The following PEBP4 variants were observed in gnomAD, a reference collection of about 807,000 sequenced individuals.
PEBP4 encodes the protein phosphatidylethanolamine binding protein 4, also known as phosphatidylethanolamine-binding protein 4.
PEBP4 carries 22 observed loss-of-function variants against 23.9 expected under a neutral mutation model. The observed-to-expected ratio is 0.92, with a 90% CI of 0.66 to 1.31. The LOEUF (loss-of-function observed/expected upper bound fraction) is 1.31, where lower values mean the gene tolerates loss of function less well. Ranked by LOEUF, PEBP4 falls within the 40% of genes most tolerant of loss-of-function variation. The pLI is 0.00. For missense variants in PEBP4, 324 were observed against 281.7 expected, an observed-to-expected ratio of 1.15 and a Z score of -1.07; for synonymous variants, 112 against 99.3, an observed-to-expected ratio of 1.13 and a Z score of -0.76.
At chr8:22,786,405 C>T (rs1806027943) in intron 4 of PEBP4, among the ~76,000 whole-genome samples, 1 of 152,096 alleles carries the variant, frequency 6.6e-6, no homozygotes, top group Admixed American at 6.5e-5. Flanking sequence ...GCCTCAGCCT[C>T]CTGAATAGCT....
intron 2 of PEBP4, among the ~76,000 whole-genome samples, chr8:22,921,070 C>A (rs1297325387): frequency 2.0e-5 from 3 of 152,220 alleles, no homozygotes; most frequent in Non-Finnish European, 4.4e-5. Context: ...GCCTGCAGGG[C>A]AGGGCAGGCC....
chr8:22,781,035 C>A (rs1470051046), intron 4 of PEBP4, among the ~76,000 whole-genome samples: 1 of 152,226 alleles, frequency 6.6e-6, no homozygotes, highest in Non-Finnish European at 1.5e-5. Context: ...GCAGCAGCGT[C>A]CGGGTTCAGA....
At chr8:22,716,222 T>G (rs1804417170) in intron 6 of PEBP4, among the ~76,000 whole-genome samples, 1 of 152,126 alleles carries the variant, frequency 6.6e-6, no homozygotes, top group African/African-American at 2.4e-5. Context: ...CCACATATGA[T>G]GTACAGGTTG....
intron 4 of PEBP4, among the ~76,000 whole-genome samples, chr8:22,742,460 C>G (rs1342082387): frequency 6.6e-6 from 1 of 152,200 alleles, no homozygotes; most frequent in Non-Finnish European, 1.5e-5. Flanking sequence ...ATGAGAGGCT[C>G]TTGGGACTGG....
At chr8:22,842,879 G>A (rs1399066343) in intron 3 of PEBP4, among the ~76,000 whole-genome samples, 3 of 152,174 alleles carry the variant, frequency 2.0e-5, no homozygotes, top group Non-Finnish European at 2.9e-5. Context: ...CCAGGCTGGA[G>A]TGCAGTGGCG....
At chr8:22,860,209 CATATATGTAT>C (rs1807747028) in intron 3 of PEBP4, among the ~76,000 whole-genome samples, 1 of 106,204 alleles carries the variant, frequency 9.4e-6, no homozygotes, top group Non-Finnish European at 2.0e-5. Context: ...TATATATACA[CATATATGTAT>C]ATATATATAT....
rs2128769374 is a variant in PEBP4, at chr8:22,865,146, G to A, written c.259-47411C>T. ...TGGGGCGGCCCGGGGAAGAACCAGT[G>A]CTGGACGGGGCTAGAGGCCCACGTT... On this transcript the variant is annotated intron_variant, in intron 3 of 6. Coordinates refer to ENST00000256404, the MANE Select transcript of PEBP4 (RefSeq NM_144962.3). The surrounding 1 kb of genome is among the most constrained non-coding windows in gnomAD (Gnocchi z 6.9). 6.6e-6 allele frequency among the ~76,000 whole-genome samples: 1 copy of A among 152,104 alleles called. No individual in the cohort carries two copies. Among genetic ancestry groups the A allele is most frequent in the South Asian group, 2.1e-4 (1 of 4,814 alleles).
At chr8:22,785,947 C>T (rs1371097630) in intron 4 of PEBP4, among the ~76,000 whole-genome samples, 1 of 152,214 alleles carries the variant, frequency 6.6e-6, no homozygotes, top group Admixed American at 6.5e-5. Context: ...TAGGTGGATT[C>T]ACTTCTTTGA....
chr8:22,792,821 G>T (rs1229450184), intron 4 of PEBP4, among the ~76,000 whole-genome samples: 1 of 84,588 alleles, frequency 1.2e-5, no homozygotes, highest in Non-Finnish European at 2.3e-5. Context: ...AGGGTGCCAT[G>T]GGGCATTGCG....
chr8:22,749,805 C>CTTTTTT lies in PEBP4; in HGVS notation c.358-22591_358-22586dup, dbSNP rs71206545. Among the ~76,000 whole-genome samples, 185 of 83,728 alleles carry CTTTTTT rather than the reference C, an allele frequency of 2.2e-3. 16 individuals are homozygous for CTTTTTT. Among genetic ancestry groups the CTTTTTT allele is most frequent in the African/African-American group, 5.2e-3 (133 of 25,784 alleles). The allele number at this position is 83,728 out of a possible 152,430, so 54.9% of individuals were successfully genotyped here. ...CTCTCCTGATTCTCAGTTTGTCATT[C>CTTTTTT]TTTTTTTTTTTTTTTTTTGAGATGG... is the stretch of plus-strand genomic sequence containing the variant. On this transcript the variant is annotated intron_variant, in intron 4 of 6. Coordinates refer to ENST00000256404, the MANE Select transcript of PEBP4 (RefSeq NM_144962.3).
At chr8:22,866,652 C>G (rs990856079) in intron 3 of PEBP4, among the ~76,000 whole-genome samples, 6 of 151,312 alleles carry the variant, frequency 4.0e-5, no homozygotes, top group African/African-American at 1.5e-4. Context: ...TGGGGGGAAG[C>G]AAATCACAAA....
At chr8:22,763,087 C>T (rs908006113) in intron 4 of PEBP4, among the ~76,000 whole-genome samples, 1 of 152,272 alleles carries the variant, frequency 6.6e-6, no homozygotes, top group Admixed American at 6.5e-5. Context: ...TCACTGCAAC[C>T]TCTGCCTCCC....
At chr8:22,899,676 G>T (rs1391923930) in intron 3 of PEBP4, among the ~76,000 whole-genome samples, 1 of 152,184 alleles carries the variant, frequency 6.6e-6, no homozygotes, top group Non-Finnish European at 1.5e-5. Flanking sequence ...TAGCCAGGGT[G>T]AGGAGGAGAG....
chr8:22,880,888 G>C (rs1219881224), intron 3 of PEBP4, among the ~76,000 whole-genome samples: 2 of 152,216 alleles, frequency 1.3e-5, no homozygotes, highest in Non-Finnish European at 2.9e-5. Flanking sequence ...AGTCCCCAAA[G>C]AAGGGGAAGC....
At chr8:22,922,714 A>G (rs1330092851) in intron 2 of PEBP4, among the ~76,000 whole-genome samples, 4 of 151,984 alleles carry the variant, frequency 2.6e-5, no homozygotes, top group African/African-American at 9.7e-5. Flanking sequence ...TGACAGAGCA[A>G]GACCCTATCT....
chr8:22,807,666 G>A (rs997144098), intron 4 of PEBP4, among the ~76,000 whole-genome samples: 19 of 152,080 alleles, frequency 1.2e-4, no homozygotes, highest in African/African-American at 4.6e-4. Context: ...TTCCTTTCCT[G>A]AAATGCAATT....
chr8:22,871,789 T>A (rs964939169), intron 3 of PEBP4, among the ~76,000 whole-genome samples: 2 of 150,668 alleles, frequency 1.3e-5, no homozygotes, highest in African/African-American at 4.9e-5. Flanking sequence ...CCTGACCTCC[T>A]GATCCACCCG....
At chr8:22,885,295 G>C (rs776385482) in intron 3 of PEBP4, 1 of 151,982 alleles carries the variant, frequency 6.6e-6, no homozygotes, top group Non-Finnish European at 1.5e-5. Flanking sequence ...CTCCTTTTAC[G>C]CATGAAGAAA....
At chr8:22,770,238 C>A (rs1389359753) in intron 4 of PEBP4, among the ~76,000 whole-genome samples, 1 of 152,206 alleles carries the variant, frequency 6.6e-6, no homozygotes, top group South Asian at 2.1e-4. Context: ...GCTTGGTGGG[C>A]AGACAGCAAG....
Sources: gnomAD v4.1 joint callset for allele counts (sites outside exome capture counted in the v4.1 genomes callset) on GRCh38, gnomAD v4.1.1 for gene constraint, Gnocchi (gnomAD v3.1) non-coding constraint, MANE v1.5 for transcripts, NCBI Gene and HGNC (gene_info 2026-07-23, HGNC 2026-07-21) for gene names.